FGF14: variants seen among roughly 807,000 people sequenced by gnomAD.
The protein encoded by FGF14 is fibroblast growth factor 14, also known as fibroblast growth factor homologous factor 4.
A neutral mutation model predicts 25.5 loss-of-function variants in FGF14; 5 were observed. The ratio of observed to expected loss-of-function variants is 0.20; its 90% CI spans 0.10 to 0.41. The LOEUF is 0.41. Ranked by LOEUF, FGF14 falls within the 10% of genes least tolerant of loss-of-function variation. The pLI, the probability that FGF14 is intolerant of heterozygous loss-of-function variation, is 1.00. For synonymous variants in FGF14, 138 were observed against 118.3 expected, an observed-to-expected ratio of 1.17 and a Z score of -1.08; for missense variants, 222 against 320.1, an observed-to-expected ratio of 0.69 and a Z score of 2.34.
At chr13:102,378,595 A>C (rs140820017) in intron 1 of FGF14, among the ~76,000 whole-genome samples, 63 of 140,354 alleles carry the variant, frequency 4.5e-4, no homozygotes, top group Non-Finnish European at 8.2e-4. Context: ...ATATATATCT[A>C]TATCTATCTA....
At chr13:101,820,771 CCACACACCACACACACACACA>C (rs1481668596) in intron 3 of FGF14, among the ~76,000 whole-genome samples, 1 of 91,852 alleles carries the variant, frequency 1.1e-5, no homozygotes, top group East Asian at 4.0e-4. Flanking sequence ...CACACACACA[CCACACACCACACACACACACA>C]CACACACACA....
At chr13:101,979,596 C>T (rs1313212214) in intron 1 of FGF14, among the ~76,000 whole-genome samples, 2 of 152,058 alleles carry the variant, frequency 1.3e-5, no homozygotes, top group African/African-American at 4.8e-5. Context: ...CATTGCACAA[C>T]CTTATATCTA....
At chr13:102,031,840 TCAAA>T (rs1443247076) in intron 1 of FGF14, among the ~76,000 whole-genome samples, 1 of 152,090 alleles carries the variant, frequency 6.6e-6, no homozygotes, top group Non-Finnish European at 1.5e-5. Flanking sequence ...GAATTCTTAA[TCAAA>T]CAATTTATAA....
rs374567236 is a variant in FGF14, at chr13:102,008,327, A to G, written c.209-133031T>C. The stretch of plus-strand genomic sequence containing the variant: ...TTTCTTATTATTTCCCATGTGAGGA[A>G]AGACCTCTCCAAGTCACTCCACCTT... On this transcript the variant is annotated intron_variant, in intron 1 of 4. Coordinates refer to the FGF14 transcript ENST00000376131. 5.9e-5 allele frequency among the ~76,000 whole-genome samples: 9 copies of G among 152,224 alleles called. No homozygotes were observed. The East Asian group carries it at 1.2e-3, about 20-fold the overall frequency.
intron 1 of FGF14, among the ~76,000 whole-genome samples, chr13:102,032,421 A>T (rs909584039): frequency 1.3e-5 from 2 of 152,156 alleles, no homozygotes; most frequent in Non-Finnish European, 2.9e-5. Context: ...AAACACCTTG[A>T]AAAAAAGGTG....
chr13:102,018,176 G>A (rs1012518858), intron 1 of FGF14, among the ~76,000 whole-genome samples: 4 of 152,054 alleles, frequency 2.6e-5, no homozygotes, highest in Non-Finnish European at 5.9e-5. Flanking sequence ...CCTATCTCTA[G>A]TGACTTTGAG....
intron 3 of FGF14, among the ~76,000 whole-genome samples, chr13:101,818,367 G>T (rs2041944464): frequency 6.6e-6 from 1 of 152,214 alleles, no homozygotes; most frequent in African/African-American, 2.4e-5. Context: ...GAGCTTGGAT[G>T]CTGCCAAAAC....
At chr13:101,981,146 G>A (rs950823145) in intron 1 of FGF14, among the ~76,000 whole-genome samples, 3 of 148,314 alleles carry the variant, frequency 2.0e-5, no homozygotes, top group African/African-American at 7.5e-5. Context: ...CAGGCATGGT[G>A]GCATGCACCT....
At chr13:101,931,203 AC>A (rs753083778) in intron 1 of FGF14, among the ~76,000 whole-genome samples, 7 of 152,038 alleles carry the variant, frequency 4.6e-5, no homozygotes, top group African/African-American at 1.7e-4. Flanking sequence ...GATCAAACGA[AC>A]CCTGTAGGTT....
chr13:101,952,860 G>A (rs1217020913), intron 1 of FGF14, among the ~76,000 whole-genome samples: 6 of 152,018 alleles, frequency 3.9e-5, no homozygotes, highest in Admixed American at 1.3e-4. Flanking sequence ...GTGAAACTCC[G>A]TCTCTACTAA....
chr13:101,858,523 T>G (rs564114501), intron 3 of FGF14, among the ~76,000 whole-genome samples: 3 of 152,182 alleles, frequency 2.0e-5, no homozygotes, highest in South Asian at 4.1e-4. Context: ...GTTTTAGGCC[T>G]TCATGTTTTA....
intron 1 of FGF14, among the ~76,000 whole-genome samples, chr13:102,168,297 A>T (rs1357857924): frequency 6.6e-6 from 1 of 151,896 alleles, no homozygotes. Flanking sequence ...ATCAAATTGC[A>T]CTCCCACATG....
intron 1 of FGF14, among the ~76,000 whole-genome samples, chr13:101,914,117 G>A (rs2033229299): frequency 6.6e-6 from 1 of 151,508 alleles, no homozygotes; most frequent in South Asian, 2.1e-4. Flanking sequence ...ATTTTCTGAG[G>A]GCAATTCCCT....
chr13:102,391,801 T>A (rs980664501), intron 1 of FGF14, among the ~76,000 whole-genome samples: 2 of 152,254 alleles, frequency 1.3e-5, no homozygotes, highest in Non-Finnish European at 2.9e-5. Context: ...TGGTTACTAC[T>A]GAGTGCTTAC....
chr13:101,942,940 G>T (rs769632808), intron 1 of FGF14, among the ~76,000 whole-genome samples: 1 of 152,180 alleles, frequency 6.6e-6, no homozygotes, highest in African/African-American at 2.4e-5. Context: ...GAAATCAATC[G>T]GCAGAGCTAA....
Position 101,765,440 on chromosome 13 carries a change from A to G in FGF14, c.409-38630T>C, listed in dbSNP as rs552005635. Among the ~76,000 whole-genome samples, 28 of 152,284 alleles carry G rather than the reference A, an allele frequency of 1.8e-4. 1 individual carries two copies. In the South Asian group the frequency reaches 4.6e-3, roughly 25 times the overall value. ...GGGAACACTGCCATAGATTAGGTTA[A>G]TAGTGGTAAAAAGATGCCTTGCTGT... is the stretch of plus-strand genomic sequence containing the variant. On this transcript the variant is annotated intron_variant, in intron 3 of 4. Coordinates refer to ENST00000376143, the MANE Select transcript of FGF14 (RefSeq NM_004115.4).
At chr13:101,737,586 T>A (rs1287110231) in intron 3 of FGF14, among the ~76,000 whole-genome samples, 1 of 152,194 alleles carries the variant, frequency 6.6e-6, no homozygotes, top group Non-Finnish European at 1.5e-5. Flanking sequence ...CTGTCTTGAA[T>A]AATTGAATAC....
At chr13:101,818,971 A>C (rs1014917265) in intron 3 of FGF14, among the ~76,000 whole-genome samples, 2 of 152,108 alleles carry the variant, frequency 1.3e-5, no homozygotes, top group Non-Finnish European at 2.9e-5. Context: ...CTTATTGTGA[A>C]GCTTACCCCC....
At chr13:102,351,351 C>A (rs940156390) in intron 1 of FGF14, among the ~76,000 whole-genome samples, 1 of 152,048 alleles carries the variant, frequency 6.6e-6, no homozygotes, top group Non-Finnish European at 1.5e-5. Flanking sequence ...TCCCCTCGAA[C>A]ATGTCTTCAA....
Sources: allele counts gnomAD v4.1 joint callset (sites outside exome capture counted in the v4.1 genomes callset), GRCh38; gene constraint gnomAD v4.1.1; transcripts MANE v1.5; gene names NCBI Gene and HGNC (gene_info 2026-07-23, HGNC 2026-07-21).